DMXL1: variants seen among roughly 807,000 people sequenced by gnomAD.
DMXL1 encodes the protein Dmx like 1, also known as dmX-like protein 1.
Under a neutral mutation model 319.2 loss-of-function variants are expected in DMXL1, and 99 were observed. The observed-to-expected ratio is 0.31, with a 90% CI of 0.26 to 0.37. The LOEUF (loss-of-function observed/expected upper bound fraction) is 0.37. DMXL1 is among the 10% of genes least tolerant of loss of function. The probability of loss-of-function intolerance (pLI) is 1.00; values close to 1 mark genes in which losing one functional copy is unlikely to be tolerated. For synonymous variants in DMXL1, 1,385 were observed against 1,235.2 expected, an observed-to-expected ratio of 1.12 and a Z score of -2.54; for missense variants, 3,745 against 3,595.6, an observed-to-expected ratio of 1.04 and a Z score of -1.06.
intron 39 of DMXL1, among the ~76,000 whole-genome samples, chr5:119,234,471 T>A (rs1170012258): frequency 6.6e-6 from 1 of 152,172 alleles, no homozygotes; most frequent in Non-Finnish European, 1.5e-5. Flanking sequence ...CTTTTATCAT[T>A]GTGTGCTGCA....
chr5:119,150,377 C>A lies in DMXL1; in HGVS notation c.4550C>A (p.Ala1517Glu). The A allele has an allele frequency of 6.2e-7, 1 of 1,613,596 alleles. No homozygotes were observed. Among genetic ancestry groups the A allele is most frequent in the Non-Finnish European group, 8.5e-7 (1 of 1,179,726 alleles). Reference protein sequence around the residue: ...MSLMALADTIATTSTDIGESR... With the variant: ...MSLMALADTIETTSTDIGESR... Reference sequence around the variant, plus strand: ...TTGATGGCCTTAGCAGATACAATTGCAACTACAAGCACTGATATTGGAGAA... The same window carrying A: ...TTGATGGCCTTAGCAGATACAATTGAAACTACAAGCACTGATATTGGAGAA... Residue 1517 changes from alanine (A) to glutamate (E), a missense_variant, in exon 18 of 44, where the codon GCA (alanine) becomes GAA (glutamate). Around this residue, in one of 4 missense-constraint regions of DMXL1, gnomAD observed 2,096 missense variants for 1,985.4 expected, o/e 1.06. Coordinates refer to ENST00000539542, the MANE Select transcript of DMXL1 (RefSeq NM_001290321.3).
At position 119,151,999 on chromosome 5, in the gene DMXL1, T is replaced by A. The variant is rs1300077113; in HGVS notation, c.4665T>A (p.Thr1555=). ...LAVRLHTFLT[T]SLPAYRAQLL... ...TTCGACTCCATACCTTTCTTACAAC[T>A]TCCCTTCCAGCCTATCGAGCTCAAC... The change falls in exon 19 of 44, where the codon ACT becomes ACA. Residue 1555 remains threonine, a synonymous_variant. Coordinates refer to ENST00000539542, the MANE Select transcript of DMXL1 (RefSeq NM_001290321.3). 2.5e-6 allele frequency: 4 copies of A among 1,613,170 alleles called. No homozygotes were observed. The highest frequency in any genetic ancestry group is 3.4e-6 in the Non-Finnish European group (4 of 1,179,440).
chr5:119,175,675 T>A (rs1270610393), intron 26 of DMXL1, among the ~76,000 whole-genome samples: 1 of 152,082 alleles, frequency 6.6e-6, no homozygotes, highest in Non-Finnish European at 1.5e-5. Context: ...ATAAATGATA[T>A]GTATATAATA....
chr5:119,156,140 T>G (rs939707546), intron 19 of DMXL1, among the ~76,000 whole-genome samples: 5 of 152,144 alleles, frequency 3.3e-5, no homozygotes, highest in African/African-American at 1.2e-4. Flanking sequence ...TTTTAAGAAA[T>G]TGCTATAGCC....
At chr5:119,176,701 C>CCTT (rs1352898937) in intron 26 of DMXL1, among the ~76,000 whole-genome samples, 1 of 151,980 alleles carries the variant, frequency 6.6e-6, no homozygotes, top group Non-Finnish European at 1.5e-5. Context: ...ATAGGAATTT[C>CCTT]TAAAGGAAAT....
chr5:119,110,881 C>G (rs1428729677), intron 5 of DMXL1, among the ~76,000 whole-genome samples: 2 of 152,204 alleles, frequency 1.3e-5, no homozygotes, highest in Non-Finnish European at 2.9e-5. Context: ...CTCCACCTCC[C>G]TGGTTCAAGC....
intron 5 of DMXL1, among the ~76,000 whole-genome samples, chr5:119,111,069 G>A (rs559113722): frequency 6.6e-6 from 1 of 152,326 alleles, no homozygotes; most frequent in South Asian, 2.1e-4. Flanking sequence ...CATTACAGGT[G>A]TGAGCCACCG....
chr5:119,246,642 T>G (rs1276476383), intron 43 of DMXL1, among the ~76,000 whole-genome samples: 1 of 147,066 alleles, frequency 6.8e-6, no homozygotes, highest in African/African-American at 2.5e-5. Context: ...TTTTTTTTTT[T>G]TTTTTTTTGA....
At chr5:119,239,388 T>A (rs1350279121) in intron 41 of DMXL1, among the ~76,000 whole-genome samples, 2 of 152,182 alleles carry the variant, frequency 1.3e-5, no homozygotes, top group African/African-American at 2.4e-5. Context: ...CACTTTGCAC[T>A]AGAAACAGGA....
chr5:119,094,804 A>C (rs903115637), intron 1 of DMXL1, among the ~76,000 whole-genome samples: 5 of 151,210 alleles, frequency 3.3e-5, no homozygotes, highest in Non-Finnish European at 7.4e-5. Context: ...AATTACTTTG[A>C]GGGGTTCAAG....
chr5:119,202,177 A>G (rs1780823488), intron 32 of DMXL1, among the ~76,000 whole-genome samples: 2 of 151,902 alleles, frequency 1.3e-5, no homozygotes, highest in African/African-American at 4.8e-5. Context: ...TTAATTTGAG[A>G]TCTTTCTAAC....
chr5:119,153,143 A>G (rs1047826726), intron 19 of DMXL1, among the ~76,000 whole-genome samples: 1 of 151,914 alleles, frequency 6.6e-6, no homozygotes, highest in African/African-American at 2.4e-5. Flanking sequence ...CGCCTGGCTA[A>G]TTTTTGTATT....
chr5:119,096,778 A>G (rs781094124), intron 1 of DMXL1, among the ~76,000 whole-genome samples: 3 of 152,216 alleles, frequency 2.0e-5, no homozygotes, highest in Non-Finnish European at 4.4e-5. Flanking sequence ...ACAAGTCTTG[A>G]GCTATGTATA....
chr5:119,151,125 T>C (rs910852804), intron 18 of DMXL1, among the ~76,000 whole-genome samples: 1 of 152,178 alleles, frequency 6.6e-6, no homozygotes, highest in Non-Finnish European at 1.5e-5. Context: ...TTAACAATTA[T>C]AATTTGGTTT....
chr5:119,191,039 A>G (rs1778615718), intron 29 of DMXL1, among the ~76,000 whole-genome samples: 1 of 152,238 alleles, frequency 6.6e-6, no homozygotes, highest in Non-Finnish European at 1.5e-5. Context: ...GTATGTTAAA[A>G]TTAGTTTATT....
At chr5:119,126,615 T>C (rs1334902138) in intron 9 of DMXL1, among the ~76,000 whole-genome samples, 1 of 152,126 alleles carries the variant, frequency 6.6e-6, no homozygotes, top group African/African-American at 2.4e-5. Flanking sequence ...TAAATAACAA[T>C]AACAAAAAAA....
At chr5:119,141,845 T>G (rs546052057) in intron 13 of DMXL1, among the ~76,000 whole-genome samples, 1 of 152,228 alleles carries the variant, frequency 6.6e-6, no homozygotes, top group South Asian at 2.1e-4. Context: ...TGAGGTATCA[T>G]GTTACCCGAC....
At chr5:119,109,673 C>G (rs927256160) in intron 4 of DMXL1, among the ~76,000 whole-genome samples, 1 of 152,184 alleles carries the variant, frequency 6.6e-6, no homozygotes, top group Non-Finnish European at 1.5e-5. Flanking sequence ...AAATGCCTGT[C>G]TCTTCTGCTT....
At chr5:119,235,569 TC>T (rs1787596339) in intron 39 of DMXL1, among the ~76,000 whole-genome samples, 2 of 151,892 alleles carry the variant, frequency 1.3e-5, no homozygotes, top group Non-Finnish European at 2.9e-5. Context: ...AATAGATACT[TC>T]CCCAAAGCAA....
Sources: gnomAD v4.1 joint callset for allele counts (sites outside exome capture counted in the v4.1 genomes callset) on GRCh38, gnomAD v4.1.1 for gene constraint, gnomAD v4.1.1 regional missense constraint, MANE v1.5 for transcripts, NCBI Gene and HGNC (gene_info 2026-07-23, HGNC 2026-07-21) for gene names.